HSPA4L: variants seen among roughly 807,000 people sequenced by gnomAD.
The protein encoded by HSPA4L is heat shock protein family A (Hsp70) member 4 like, also known as heat shock 70 kDa protein 4L.
HSPA4L carries 48 observed loss-of-function variants against 100.3 expected under a neutral mutation model. That is an observed-to-expected ratio of 0.48 (90% CI 0.38 to 0.61). HSPA4L has a LOEUF of 0.61. HSPA4L is among the 20% of genes least tolerant of loss of function. The probability of loss-of-function intolerance (pLI) is 0.00; values close to 1 mark genes in which losing one functional copy is unlikely to be tolerated. For synonymous variants in HSPA4L, 319 were observed against 328.2 expected (o/e 0.97, Z 0.30); for missense variants, 886 against 988.6 (o/e 0.90, Z 1.39).
chr4:127,792,649 T>C (rs1732909645), intron 1 of HSPA4L, among the ~76,000 whole-genome samples: 1 of 152,192 alleles, frequency 6.6e-6, no homozygotes, highest in Admixed American at 6.5e-5. Context: ...ACCTGTTACC[T>C]TGCCTTCATA....
At chr4:127,825,954 A>G (rs1157355896) in intron 16 of HSPA4L, among the ~76,000 whole-genome samples, 1 of 151,794 alleles carries the variant, frequency 6.6e-6, no homozygotes, top group African/African-American at 2.4e-5. Flanking sequence ...AGAAAAAAGA[A>G]ACATAAGCCA....
intron 12 of HSPA4L, 150 bp from the exon 13 acceptor site, chr4:127,818,175 G>A: frequency 2.0e-6 from 1 of 492,840 alleles, no homozygotes; most frequent in South Asian, 4.4e-5. Context: ...CTGTTTATTT[G>A]TAGCAATTCT....
rs1734246273 is a variant in HSPA4L, at chr4:127,837,708, G to A, written c.*4834G>A. The A allele has an allele frequency of 6.6e-6, 1 of 152,086 alleles. No individual in the cohort carries two copies. The highest frequency in any genetic ancestry group is 2.4e-5 in the African/African-American group (1 of 41,420). 9.4% of individuals were successfully genotyped at this position (152,086 alleles called of 1,614,324 possible). A position where few individuals can be genotyped will look rare whatever the true frequency, so the allele number is the denominator to read the frequency against. ...TAAAAAGTAACAAAAATTTAATGCAGATCAAAGACCAAGGCTTGTAACCAA... is the reference window on the plus strand; with the variant it reads ...TAAAAAGTAACAAAAATTTAATGCAAATCAAAGACCAAGGCTTGTAACCAA... On this transcript the variant is annotated 3_prime_UTR_variant, in exon 19 of 19. Coordinates refer to ENST00000296464, the MANE Select transcript of HSPA4L (RefSeq NM_014278.4).
At chr4:127,818,735 G>A (rs369067365) in intron 13 of HSPA4L, among the ~76,000 whole-genome samples, 73 of 152,086 alleles carry the variant, frequency 4.8e-4, no homozygotes, top group Middle Eastern at 3.4e-3. Flanking sequence ...CTTACTGGAA[G>A]GTGGAGGGTG....
At chr4:127,817,669 TTTGA>T (rs1261494560) in intron 12 of HSPA4L, among the ~76,000 whole-genome samples, 2 of 152,180 alleles carry the variant, frequency 1.3e-5, no homozygotes, top group Non-Finnish European at 2.9e-5. Flanking sequence ...TTTTGATTAA[TTTGA>T]TTAATTTTGA....
intron 6 of HSPA4L, 151 bp from the exon 7 acceptor site, chr4:127,803,478 A>T: frequency 1.6e-6 from 1 of 633,522 alleles, no homozygotes; most frequent in Non-Finnish European, 2.5e-6. Context: ...GTGATAATTT[A>T]ACTCTGATTC....
intron 11 of HSPA4L, 47 bp from the exon 12 acceptor site, chr4:127,811,390 A>G: frequency 7.2e-7 from 1 of 1,381,396 alleles, no homozygotes; most frequent in Non-Finnish European, 1.0e-6. Flanking sequence ...GAATTGAATA[A>G]GTTAATCTGA....
chr4:127,795,809 G>C lies in HSPA4L; in HGVS notation c.207G>C (p.Lys69Asn). 6.2e-7 allele frequency: 1 copy of C among 1,613,646 alleles called. No homozygotes were observed. The highest frequency in any genetic ancestry group is 8.5e-7 in the Non-Finnish European group (1 of 1,179,686). ...NVRNTIHGFK[K>N]LHGRSFDDPI... ...GAAATACAATTCATGGCTTCAAAAA[G>C]CTTCATGGGCGATCATTTGATGATC... Residue 69 changes from lysine to asparagine, a missense_variant, in exon 3 of 19, where the codon AAG becomes AAC. By Grantham distance (94) the Lys-to-Asn change is moderately conservative. Transcript: ENST00000296464.
At chr4:127,786,909 A>C (rs969460321) in intron 1 of HSPA4L, among the ~76,000 whole-genome samples, 1 of 152,242 alleles carries the variant, frequency 6.6e-6, no homozygotes, top group Non-Finnish European at 1.5e-5. Context: ...TTAATAATGG[A>C]TAGATACTTC....
chr4:127,813,342 G>T, intron 12 of HSPA4L: 1 of 614,002 alleles, frequency 1.6e-6, no homozygotes. Flanking sequence ...AAATTGATCA[G>T]AATTCAACCA....
chr4:127,791,610 C>A (rs1183565157), intron 1 of HSPA4L, among the ~76,000 whole-genome samples: 1 of 152,090 alleles, frequency 6.6e-6, no homozygotes, highest in Non-Finnish European at 1.5e-5. Context: ...TCCTGAATAT[C>A]TCTTCTTTCT....
chr4:127,792,514 G>T (rs1257833916), intron 1 of HSPA4L, among the ~76,000 whole-genome samples: 1 of 152,178 alleles, frequency 6.6e-6, no homozygotes, highest in Non-Finnish European at 1.5e-5. Flanking sequence ...CTAGCCACAT[G>T]TGGCTGTTGA....
At chr4:127,806,751 A>T (rs1459084459) in intron 10 of HSPA4L, among the ~76,000 whole-genome samples, 2 of 152,008 alleles carry the variant, frequency 1.3e-5, no homozygotes, top group Admixed American at 1.3e-4. Flanking sequence ...TAGCTTGTAC[A>T]ATGAATAATG....
At position 127,814,981 on chromosome 4, in the gene HSPA4L, A is replaced by G. The variant is rs117646232; in HGVS notation, c.1579-3344A>G. On this transcript the variant is annotated intron_variant, in intron 12 of 18. Coordinates refer to ENST00000296464, the MANE Select transcript of HSPA4L (RefSeq NM_014278.4). ...CCCTTCCCCTCAAAAAAGTGAACCA[A>G]TTCAAAGACTCTGGAAGCTAATTGT... is the stretch of plus-strand genomic sequence containing the variant. Among the ~76,000 whole-genome samples, 227 of 152,314 alleles carry G rather than the reference A, an allele frequency of 1.5e-3. 7 individuals are homozygous for G. In the East Asian group the frequency reaches 0.041, roughly 28 times the overall value.
At position 127,810,608 on chromosome 4, in the gene HSPA4L, A is replaced by AT. The variant is rs1476897207; in HGVS notation, c.1379-829_1379-828insT. On this transcript the variant is annotated intron_variant, in intron 11 of 18. Coordinates refer to ENST00000296464, the MANE Select transcript of HSPA4L (RefSeq NM_014278.4). ...CCTAATCTGTACTAAAAATCAGAAA[A>AT]ATTAGCTAGACATGGTACCATGCAC... 2.6e-5 allele frequency among the ~76,000 whole-genome samples: 4 copies of AT among 152,146 alleles called. No individual in the cohort carries two copies. In the East Asian group the frequency reaches 7.7e-4, roughly 29 times the overall value.
At chr4:127,809,438 C>T in intron 11 of HSPA4L, 1 of 1,213,530 alleles carries the variant, frequency 8.2e-7, no homozygotes, top group East Asian at 2.3e-5. Flanking sequence ...CATTTGGGAA[C>T]CTGATTCTTC....
At chr4:127,799,253 A>G (rs1015845344) in intron 4 of HSPA4L, among the ~76,000 whole-genome samples, 1 of 152,134 alleles carries the variant, frequency 6.6e-6, no homozygotes, top group African/African-American at 2.4e-5. Context: ...ACAGAATCAG[A>G]TGATGAACTT....
Position 127,782,524 on chromosome 4 carries a change from C to G in HSPA4L, c.-27C>G. The stretch of plus-strand genomic sequence containing the variant: ...GGTTCCCGTACCGAAGGGTTCAGTA[C>G]CAGCAGCCCGACCATCACGCGGCGG... On this transcript the variant is annotated 5_prime_UTR_variant, in exon 1 of 19. Transcript: ENST00000296464. 6.3e-7 allele frequency: 1 copy of G among 1,590,800 alleles called. No homozygotes were observed. Among genetic ancestry groups the G allele is most frequent in the Non-Finnish European group, 8.6e-7 (1 of 1,158,798 alleles).
At chr4:127,792,833 G>A (rs1414132222) in intron 1 of HSPA4L, among the ~76,000 whole-genome samples, 1 of 152,188 alleles carries the variant, frequency 6.6e-6, no homozygotes, top group Non-Finnish European at 1.5e-5. Flanking sequence ...CTGATAAGCT[G>A]ACATTTGAGC....
Sources: gnomAD v4.1 joint callset for allele counts (sites outside exome capture counted in the v4.1 genomes callset) on GRCh38, gnomAD v4.1.1 for gene constraint, MANE v1.5 for transcripts, NCBI Gene and HGNC (gene_info 2026-07-23, HGNC 2026-07-21) for gene names.